NPAS2: variants seen among roughly 807,000 people sequenced by gnomAD.
The protein encoded by NPAS2 is neuronal PAS domain protein 2, also known as neuronal PAS domain-containing protein 2.
In NPAS2, 23 loss-of-function variants were observed where a neutral mutation model predicts 107.5. The observed-to-expected ratio is 0.21, with a 90% CI of 0.15 to 0.30. NPAS2 has a LOEUF of 0.30. NPAS2 is among the 10% of genes least tolerant of loss of function. The pLI, the probability that NPAS2 is intolerant of heterozygous loss-of-function variation, is 1.00. For synonymous variants in NPAS2, 403 were observed against 417.5 expected (o/e 0.97, Z 0.42); for missense variants, 756 against 1,043.3 (o/e 0.72, Z 3.79).
chr2:100,870,321 A>C (rs1679504672), intron 1 of NPAS2, among the ~76,000 whole-genome samples: 1 of 152,174 alleles, frequency 6.6e-6, no homozygotes, highest in Non-Finnish European at 1.5e-5. Flanking sequence ...GCAGTTAATA[A>C]GTGTTCTGTA....
chr2:100,991,737 CT>C (rs34687634), intron 19 of NPAS2, among the ~76,000 whole-genome samples: 1 of 151,790 alleles, frequency 6.6e-6, no homozygotes, highest in African/African-American at 2.4e-5. Context: ...CATGCTCGGT[CT>C]TTTTTTGTTT....
At chr2:100,831,353 G>C (rs1676725297) in intron 1 of NPAS2, among the ~76,000 whole-genome samples, 1 of 152,138 alleles carries the variant, frequency 6.6e-6, no homozygotes, top group South Asian at 2.1e-4. Flanking sequence ...CAGCACTTCA[G>C]TTTGTGTTGT....
chr2:100,937,321 T>G (rs2104971189), intron 4 of NPAS2, among the ~76,000 whole-genome samples: 1 of 152,338 alleles, frequency 6.6e-6, no homozygotes, highest in East Asian at 1.9e-4. Flanking sequence ...ATCTGTTAGG[T>G]CTGATACCTT....
intron 7 of NPAS2, among the ~76,000 whole-genome samples, chr2:100,956,707 C>T (rs1276297008): frequency 6.6e-6 from 1 of 152,148 alleles, no homozygotes; most frequent in African/African-American, 2.4e-5. Context: ...TGTGTAGGTT[C>T]CAGGGCAGAG....
intron 1 of NPAS2, among the ~76,000 whole-genome samples, chr2:100,896,816 T>TCCTC (rs1232928435): frequency 3.9e-5 from 6 of 152,086 alleles, no homozygotes; most frequent in African/African-American, 1.4e-4. Flanking sequence ...GTCCTTCCTT[T>TCCTC]CCTCCCTCCC....
intron 8 of NPAS2, 65 bp downstream of exon 8, chr2:100,964,241 T>A: frequency 1.9e-6 from 2 of 1,042,578 alleles, no homozygotes; most frequent in Non-Finnish European, 3.0e-6. Flanking sequence ...TTGTTATATG[T>A]AATTAATGGT....
chr2:100,988,584 T>TA (rs1677908607), intron 17 of NPAS2: 1 of 389,318 alleles, frequency 2.6e-6, no homozygotes, highest in African/African-American at 2.1e-5. Context: ...TGGAGGCAGA[T>TA]ATGGCCATCC....
chr2:100,842,078 C>T (rs930500521), intron 1 of NPAS2, among the ~76,000 whole-genome samples: 3 of 54,392 alleles, frequency 5.5e-5, no homozygotes, highest in South Asian at 5.2e-4. Flanking sequence ...TGTGCATGTA[C>T]GCGCACACAC....
At chr2:100,934,938 G>A (rs1461077935) in intron 4 of NPAS2, 1 of 985,280 alleles carries the variant, frequency 1.0e-6, no homozygotes, top group Non-Finnish European at 1.2e-6. Context: ...TGAGGACAGA[G>A]CCCAGGAGAT....
intron 6 of NPAS2, 110 bp downstream of exon 6, chr2:100,948,465 C>T: frequency 2.9e-6 from 3 of 1,022,260 alleles, no homozygotes; most frequent in Non-Finnish European, 4.1e-6. Context: ...TAATTTTCCT[C>T]ATGACTCAGA....
rs1457835031 is a variant in NPAS2 at position 100,952,849 on chromosome 2, GA to G, written c.598+3370del. On this transcript the variant is annotated intron_variant, in intron 7 of 20. Transcript: ENST00000335681. The stretch of plus-strand genomic sequence containing the variant: ...GAAAGAATGTGTGGAAATTATGTGT[GA>G]GGTTTTTTTTTTTTTTTTGGAAACT... Among the ~76,000 whole-genome samples the G allele has an allele frequency of 6.4e-3, 872 of 136,896 alleles. 7 individuals carry two copies. The highest frequency in any genetic ancestry group is 0.027 in the African/African-American group (806 of 30,110). The allele number at this position is 136,896 out of a possible 152,430, so 89.8% of individuals were successfully genotyped here.
At chr2:100,990,069 G>C (rs916780882) in intron 17 of NPAS2, 187 bp from the exon 18 acceptor site, 8 of 642,548 alleles carry the variant, frequency 1.2e-5, no homozygotes, top group Non-Finnish European at 2.2e-5. Flanking sequence ...ACTGTCCTAG[G>C]CCCAAGGGAT....
intron 4 of NPAS2, among the ~76,000 whole-genome samples, chr2:100,936,084 C>T (rs532992493): frequency 3.2e-4 from 49 of 152,296 alleles, no homozygotes; most frequent in African/African-American, 6.0e-4. Context: ...ATTTAAGAAA[C>T]GTACTTGAAT....
intron 1 of NPAS2, chr2:100,901,629 C>T: frequency 1.2e-6 from 1 of 829,182 alleles, no homozygotes; most frequent in Non-Finnish European, 1.5e-6. Flanking sequence ...AGTGTTTATT[C>T]CCTTGGCTCC....
intron 1 of NPAS2, among the ~76,000 whole-genome samples, chr2:100,897,639 G>A (rs1330553903): frequency 6.6e-6 from 1 of 152,102 alleles, no homozygotes; most frequent in East Asian, 1.9e-4. Context: ...TCATCAAGGA[G>A]GTCTTCCAAG....
chr2:100,887,300 G>C (rs12476292), intron 1 of NPAS2, among the ~76,000 whole-genome samples: 1 of 152,170 alleles, frequency 6.6e-6, no homozygotes, highest in South Asian at 2.1e-4. Context: ...CCTTTCTGTC[G>C]GACAGCTACA....
intron 2 of NPAS2, among the ~76,000 whole-genome samples, chr2:100,907,122 C>G (rs906025014): frequency 1.3e-5 from 2 of 152,048 alleles, no homozygotes; most frequent in Non-Finnish European, 1.5e-5. Flanking sequence ...CCTTCTAGTC[C>G]CATCCCTGCC....
intron 1 of NPAS2, among the ~76,000 whole-genome samples, chr2:100,882,050 A>G (rs1286497301): frequency 6.6e-6 from 1 of 152,260 alleles, no homozygotes; most frequent in Non-Finnish European, 1.5e-5. Context: ...GGAATCCTCA[A>G]TGCATGGCTC....
Position 100,988,060 on chromosome 2 carries a change from A to G in NPAS2, c.1630-19A>G, listed in dbSNP as rs988293880. 1 of 1,610,552 alleles carries G rather than the reference A, an allele frequency of 6.2e-7. No homozygotes were observed. The highest frequency in any genetic ancestry group is 1.3e-5 in the African/African-American group (1 of 75,014). On this transcript the variant is annotated intron_variant, in intron 16 of 20. Coordinates refer to ENST00000335681, the MANE Select transcript of NPAS2 (RefSeq NM_002518.4). Reference sequence around the variant, plus strand: ...TACCCATGACCCCAACTTCACAGGCATTTCTATTCTGCTCCCAGATGTTCC... The same window carrying G: ...TACCCATGACCCCAACTTCACAGGCGTTTCTATTCTGCTCCCAGATGTTCC...
Sources: gnomAD v4.1 joint callset for allele counts (sites outside exome capture counted in the v4.1 genomes callset) on GRCh38, gnomAD v4.1.1 for gene constraint, MANE v1.5 for transcripts, NCBI Gene and HGNC (gene_info 2026-07-23, HGNC 2026-07-21) for gene names.